RSPH6A: variants seen among roughly 807,000 people sequenced by gnomAD.
RSPH6A encodes radial spoke head protein 6 homolog A.
In RSPH6A, 49 loss-of-function variants were observed where a neutral mutation model predicts 66.1. The observed-to-expected ratio is 0.74, with a 90% confidence interval of 0.59 to 0.94. RSPH6A has a LOEUF of 0.94. Among genes scored for constraint, RSPH6A ranks in the 40% least tolerant of loss-of-function variants. RSPH6A has a pLI of 0.00. For synonymous variants in RSPH6A, 419 were observed against 402.4 expected (o/e 1.04, Z -0.49); for missense variants, 977 against 948.3 (o/e 1.03, Z -0.40).
chr19:45,796,159 AC>A, intron 5 of RSPH6A, 53 bp from the exon 6 acceptor site: 6 of 1,168,788 alleles, frequency 5.1e-6, no homozygotes, highest in African/African-American at 1.8e-5. Context: ...CCCAGACTTG[AC>A]TTTTTTTTTT....
rs201155665 is a variant in RSPH6A at position 45,795,938 on chromosome 19, T to A, written c.2085A>T (p.Gln695His). Residue 695 changes from glutamine to histidine, a missense_variant, in exon 6 of 6, where the codon CAA (glutamine) becomes CAT (histidine). Physicochemically the swap from Gln to His is conservative, Grantham distance 24. Coordinates refer to ENST00000221538, the MANE Select transcript of RSPH6A (RefSeq NM_030785.4). ...EEQALKAAQE[Q>H]ALGATEEEEE... ...CCTCCTCCTCTGTGGCTCCCAGGGC[T>A]TGTTCCTGGGCTGCTTTCAGAGCCT... 3.2e-5 allele frequency: 50 copies of A among 1,577,838 alleles called. No individual in the cohort carries two copies. The highest frequency in any genetic ancestry group is 4.2e-5 in the Non-Finnish European group (49 of 1,166,396).
chr19:45,815,033 T>C lies in RSPH6A; in HGVS notation c.144A>G (p.Pro48=). Residue 48 remains proline, a synonymous_variant, in exon 1 of 6, where the codon CCA becomes CCG. Transcript: ENST00000221538. ...AACCAGGGGCGTTTCGCTGGGCGTC[T>C]GGAGGTATCTGCTGCCTCTCCTCGG... is the stretch of plus-strand genomic sequence containing the variant. ...ADPEERQQIP[P]DAQRNAPGWS... is the part of the protein sequence containing the mutation. The C allele has an allele frequency of 6.2e-7, 1 of 1,613,692 alleles. No homozygotes were observed. Among genetic ancestry groups the C allele is most frequent in the Non-Finnish European group, 8.5e-7 (1 of 1,180,034 alleles).
intron 3 of RSPH6A, among the ~76,000 whole-genome samples, chr19:45,803,210 G>GAAAAAAAA (rs537694212): frequency 9.6e-6 from 1 of 104,094 alleles, no homozygotes; most frequent in Non-Finnish European, 1.9e-5. Context: ...CTCCGTCTCA[G>GAAAAAAAA]AAAAAAAAAA....
chr19:45,814,504 C>T (rs1388173081), intron 1 of RSPH6A, 23 bp downstream of exon 1: 2 of 1,449,242 alleles, frequency 1.4e-6, no homozygotes, highest in African/African-American at 2.9e-5. Context: ...CCCCCACCCG[C>T]CCCACTCCTA....
At chr19:45,811,054 G>A in intron 1 of RSPH6A, 1 of 366,606 alleles carries the variant, frequency 2.7e-6, no homozygotes, top group Non-Finnish European at 4.9e-6. Context: ...GAATGCAGTG[G>A]TTCATCTCGG....
At chr19:45,801,924 C>A (rs1427820111) in intron 4 of RSPH6A, among the ~76,000 whole-genome samples, 196 bp downstream of exon 4, 1 of 152,182 alleles carries the variant, frequency 6.6e-6, no homozygotes, top group Non-Finnish European at 1.5e-5. Flanking sequence ...AGGTTTAGGC[C>A]ATTGCCACGT....
At chr19:45,798,621 G>A (rs1348933493) in intron 5 of RSPH6A, among the ~76,000 whole-genome samples, 1 of 150,858 alleles carries the variant, frequency 6.6e-6, no homozygotes. Flanking sequence ...GGCGGATCAT[G>A]AGGTCAGGAG....
intron 2 of RSPH6A, among the ~76,000 whole-genome samples, chr19:45,805,626 A>T (rs564005958): frequency 6.6e-6 from 1 of 152,224 alleles, no homozygotes; most frequent in South Asian, 2.1e-4. Context: ...TGAGAGGCGG[A>T]GGTTGCAGTA....
At chr19:45,801,471 C>G (rs1340067472) in intron 4 of RSPH6A, among the ~76,000 whole-genome samples, 1 of 152,068 alleles carries the variant, frequency 6.6e-6, no homozygotes, top group African/African-American at 2.4e-5. Flanking sequence ...ATCCAAAATC[C>G]AGCTCCAGGT....
rs1224256326 is a variant in RSPH6A at position 45,804,432 on chromosome 19, G to A, written c.1473C>T (p.Ala491=). The change falls in exon 3 of 6, where the codon GCC becomes GCT. Residue 491 remains alanine, a synonymous_variant. Coordinates refer to ENST00000221538, the MANE Select transcript of RSPH6A (RefSeq NM_030785.4). The surrounding 1 kb of genome is among the most constrained non-coding windows in gnomAD (Gnocchi z 5.8). The stretch of plus-strand genomic sequence containing the variant: ...AGAAGCCCAGCGGGCTGACCTGCGT[G>A]GCGGCCGAGATGCGGGCTATCTGGG... ...LRAQIARISA[A]TQVSPLGFYQ... The A allele has an allele frequency of 6.2e-7, 1 of 1,613,982 alleles. No homozygotes were observed. The highest frequency in any genetic ancestry group is 1.7e-5 in the Admixed American group (1 of 60,008).
chr19:45,796,160 C>CT (rs373732701), intron 5 of RSPH6A, 54 bp from the exon 6 acceptor site: 140,809 of 899,080 alleles, frequency 0.16, 10 homozygotes, highest in South Asian at 0.17. Context: ...CCAGACTTGA[C>CT]TTTTTTTTTT....
intron 5 of RSPH6A, among the ~76,000 whole-genome samples, chr19:45,797,961 C>A (rs185405874): frequency 2.0e-5 from 3 of 152,170 alleles, no homozygotes; most frequent in East Asian, 3.9e-4. Flanking sequence ...CATAACCCAG[C>A]GAATTCAGCC....
At chr19:45,798,634 T>C (rs1970433948) in intron 5 of RSPH6A, among the ~76,000 whole-genome samples, 1 of 150,542 alleles carries the variant, frequency 6.6e-6, no homozygotes, top group South Asian at 2.1e-4. Context: ...GTCAGGAGAT[T>C]GAGACCATCC....
At chr19:45,813,848 G>T (rs1363941245) in intron 1 of RSPH6A, among the ~76,000 whole-genome samples, 1 of 152,136 alleles carries the variant, frequency 6.6e-6, no homozygotes, top group Non-Finnish European at 1.5e-5. Context: ...AGGCAGGGAG[G>T]TTTAGTTGCA....
At chr19:45,803,919 G>A (rs1025434518) in intron 3 of RSPH6A, among the ~76,000 whole-genome samples, 1 of 150,514 alleles carries the variant, frequency 6.6e-6, no homozygotes, top group Non-Finnish European at 1.5e-5. Context: ...CTTGAACCCA[G>A]GAGGTGGAGG....
In RSPH6A at chr19:45,796,035, G is replaced by C; in HGVS notation, c.1988C>G (p.Ala663Gly). 1 of 1,613,630 alleles carries C rather than the reference G, an allele frequency of 6.2e-7. No homozygotes were observed. Among genetic ancestry groups the C allele is most frequent in the East Asian group, 2.2e-5 (1 of 44,858 alleles). The change falls in exon 6 of 6, where the codon GCC (alanine) becomes GGC (glycine). Residue 663 changes from alanine to glycine, a missense_variant. By Grantham distance (60) the Ala-to-Gly change is moderately conservative. Transcript: ENST00000221538. ...ACTGGGGTACTCTTGTTGAATGGGG[G>C]CTGGCAGGGCCGGGTTGAAGCTCTC... is the stretch of plus-strand genomic sequence containing the variant. ...SPESFNPALPAPIQQEYPSGP... is the reference protein window; with the variant it reads ...SPESFNPALPGPIQQEYPSGP...
At chr19:45,806,219 T>TA (rs1970541214) in intron 2 of RSPH6A, among the ~76,000 whole-genome samples, 1 of 151,982 alleles carries the variant, frequency 6.6e-6, no homozygotes, top group Admixed American at 6.6e-5. Context: ...CCTCCATCTA[T>TA]ACCGTGTGCT....
intron 2 of RSPH6A, 149 bp from the exon 3 acceptor site, chr19:45,805,165 G>T: frequency 3.1e-6 from 2 of 649,890 alleles, no homozygotes; most frequent in Non-Finnish European, 5.2e-6. Flanking sequence ...GAAAGGCCGA[G>T]GCTGGCTGAT....
At chr19:45,799,500 T>C (rs780833411) in intron 5 of RSPH6A, among the ~76,000 whole-genome samples, 3 of 152,212 alleles carry the variant, frequency 2.0e-5, no homozygotes, top group Non-Finnish European at 4.4e-5. Context: ...TAGCTGGGAC[T>C]CTGTAGTCCG....
Sources: gnomAD v4.1 joint callset for allele counts (sites outside exome capture counted in the v4.1 genomes callset) on GRCh38, gnomAD v4.1.1 for gene constraint, Gnocchi (gnomAD v3.1) non-coding constraint, MANE v1.5 for transcripts, NCBI Gene and HGNC (gene_info 2026-07-23, HGNC 2026-07-21) for gene names.